TERF1: variants seen among roughly 807,000 people sequenced by gnomAD.
TERF1 encodes telomeric repeat binding factor 1.
TERF1 carries 20 observed loss-of-function variants against 55.1 expected under a neutral mutation model. The observed-to-expected ratio is 0.36, with a 90% CI of 0.26 to 0.53. TERF1 has a LOEUF of 0.53. Ranked by LOEUF, TERF1 falls within the 20% of genes least tolerant of loss-of-function variation. TERF1 has a pLI of 0.91. For synonymous variants in TERF1, 168 were observed against 181.2 expected (o/e 0.93, Z 0.59); for missense variants, 439 against 535.7 (o/e 0.82, Z 1.78).
intron 2 of TERF1, among the ~76,000 whole-genome samples, chr8:73,017,875 CTATTATTAG>C (rs979189619): frequency 1.3e-5 from 2 of 151,888 alleles, no homozygotes; most frequent in Non-Finnish European, 2.9e-5. Flanking sequence ...ACTAATTTTT[CTATTATTAG>C]TAGAGACAGG....
At chr8:73,038,033 G>T (rs1229206489) in intron 8 of TERF1, among the ~76,000 whole-genome samples, 2 of 146,882 alleles carry the variant, frequency 1.4e-5, no homozygotes, top group Admixed American at 7.1e-5. Context: ...TAGAAGGCCA[G>T]CAGTAGGTAG....
At chr8:73,039,013 A>G in intron 8 of TERF1, 103 bp from the exon 9 acceptor site, 1 of 895,734 alleles carries the variant, frequency 1.1e-6, no homozygotes, top group East Asian at 2.8e-5. Context: ...ACTTTTTCTT[A>G]GAATAGCTTA....
At chr8:73,016,784 C>T (rs1808528106) in intron 2 of TERF1, among the ~76,000 whole-genome samples, 1 of 152,138 alleles carries the variant, frequency 6.6e-6, no homozygotes, top group Non-Finnish European at 1.5e-5. Flanking sequence ...ATCATGTTTG[C>T]AGTTTCTCTA....
chr8:73,015,312 CT>C (rs5892387), intron 2 of TERF1, among the ~76,000 whole-genome samples: 76,858 of 131,644 alleles, frequency 0.58, 21,268 homozygotes, highest in Middle Eastern at 0.72. Flanking sequence ...AACCCTTTTG[CT>C]TTTTTTTTTT....
chr8:73,041,819 T>C (rs547080442), intron 9 of TERF1, among the ~76,000 whole-genome samples: 1 of 152,126 alleles, frequency 6.6e-6, no homozygotes, highest in African/African-American at 2.4e-5. Context: ...TCACAAAAGT[T>C]TGTGAGTCCC....
At chr8:73,023,802 C>G (rs886944579) in intron 4 of TERF1, among the ~76,000 whole-genome samples, 5 of 152,156 alleles carry the variant, frequency 3.3e-5, no homozygotes, top group Middle Eastern at 3.2e-3. Context: ...AGAATATCAA[C>G]AGTTGTCTCA....
chr8:73,020,750 T>C lies in TERF1; in HGVS notation c.482T>C (p.Ile161Thr), dbSNP rs745362910. 3 of 1,566,404 alleles carry C rather than the reference T, an allele frequency of 1.9e-6. No individual in the cohort carries two copies. The highest frequency in any genetic ancestry group is 2.6e-6 in the Non-Finnish European group (3 of 1,141,840). Residue 161 changes from isoleucine (I) to threonine (T), a missense_variant, in exon 3 of 10, where the codon ATT becomes ACT. Around this residue, in one of 4 missense-constraint regions of TERF1, gnomAD observed 95 missense variants for 167.2 expected, o/e 0.57. Coordinates refer to ENST00000276603, the MANE Select transcript of TERF1 (RefSeq NM_017489.3). ...LESALMIWGS[I>T]EKEHDKLHEE... is the part of the protein sequence containing the mutation. ...TCAGCCCTGATGATTTGGGGTTCAA[T>C]TGAAAAGGAACATGACAAACTTCAT...
intron 1 of TERF1, 52 bp downstream of exon 1, chr8:73,009,257 T>G (rs766315992): frequency 1.3e-6 from 2 of 1,560,220 alleles, no homozygotes; most frequent in Non-Finnish European, 1.7e-6. Context: ...GGATGCGGGC[T>G]CCGTGGTGCG....
rs1320213216 is a variant in TERF1, at chr8:73,008,963, A to G, written c.77A>G (p.Glu26Gly). ...ADGRDADPTE[E>G]QMAETERNDE... Reference sequence around the variant, plus strand: ...GGTAGGGATGCCGACCCTACTGAGGAGCAGATGGCAGAAACAGAGAGAAAC... The same window carrying G: ...GGTAGGGATGCCGACCCTACTGAGGGGCAGATGGCAGAAACAGAGAGAAAC... Residue 26 changes from glutamate to glycine, a missense_variant, in exon 1 of 10, where the codon GAG (glutamate) becomes GGG (glycine). Glu to Gly is a moderately conservative substitution (Grantham distance 98, BLOSUM62 -2). Transcript: ENST00000276603. The G allele has an allele frequency of 6.2e-7, 1 of 1,612,850 alleles. No individual in the cohort carries two copies. Among genetic ancestry groups the G allele is most frequent in the East Asian group, 2.2e-5 (1 of 44,856 alleles).
chr8:73,043,559 A>G (rs1809915787), intron 9 of TERF1, among the ~76,000 whole-genome samples: 1 of 152,136 alleles, frequency 6.6e-6, no homozygotes, highest in African/African-American at 2.4e-5. Context: ...TATTTTTTAA[A>G]TGACTTAAAT....
At chr8:73,042,476 T>C (rs935305300) in intron 9 of TERF1, among the ~76,000 whole-genome samples, 1 of 151,952 alleles carries the variant, frequency 6.6e-6, no homozygotes, top group Non-Finnish European at 1.5e-5. Flanking sequence ...AAAAAAAAAC[T>C]TACGGCAATA....
Position 73,009,123 on chromosome 8 carries a change from C to G in TERF1, c.237C>G (p.Leu79=), listed in dbSNP as rs1047330828. ...AGGCCGTGGCTGCCGGCTGGATGCTCGATTTCCTCTGCCTCTCTCTTTGCC... is the reference window on the plus strand; with the variant it reads ...AGGCCGTGGCTGCCGGCTGGATGCTGGATTTCCTCTGCCTCTCTCTTTGCC... ...EAEAVAAGWM[L]DFLCLSLCRA... The change falls in exon 1 of 10, where the codon CTC becomes CTG. Residue 79 remains leucine (L), a synonymous_variant. Coordinates refer to ENST00000276603, the MANE Select transcript of TERF1 (RefSeq NM_017489.3). 9.3e-6 allele frequency: 15 copies of G among 1,610,806 alleles called. No individual in the cohort carries two copies. The highest frequency in any genetic ancestry group is 8.0e-5 in the African/African-American group (6 of 74,886).
intron 8 of TERF1, among the ~76,000 whole-genome samples, chr8:73,037,746 TTA>T (rs1809630068): frequency 2.3e-5 from 2 of 85,776 alleles, no homozygotes; most frequent in South Asian, 2.7e-4. Context: ...GAAATATATA[TTA>T]TATATAATAT....
intron 6 of TERF1, among the ~76,000 whole-genome samples, chr8:73,028,520 C>T (rs375428073): frequency 6.6e-6 from 1 of 150,854 alleles, no homozygotes; most frequent in Admixed American, 6.6e-5. Context: ...CTATTTCCTA[C>T]TAGATGAGTC....
Position 73,024,974 on chromosome 8 carries a change from A to T in TERF1, c.774+3A>T, listed in dbSNP as rs1808917657. 2 of 1,527,526 alleles carry T rather than the reference A, an allele frequency of 1.3e-6. No individual in the cohort carries two copies. 94.6% of individuals were successfully genotyped at this position (1,527,526 alleles called of 1,614,324 possible). ...AATCATCAACCTTTCTAATGAAGGT[A>T]TACATATTATTCAAGAGTGACTAAT... On this transcript the variant is annotated splice_donor_region_variant and intron_variant, in intron 5 of 9. Coordinates refer to ENST00000276603, the MANE Select transcript of TERF1 (RefSeq NM_017489.3).
chr8:73,039,065 T>G (rs773414136), intron 8 of TERF1, 51 bp from the exon 9 acceptor site: 1 of 1,207,644 alleles, frequency 8.3e-7, no homozygotes, highest in Admixed American at 2.6e-5. Flanking sequence ...ATAATTGCTC[T>G]TTTTTCTTTA....
Position 73,039,209 on chromosome 8 carries a change from G to C in TERF1, c.1133G>C (p.Arg378Thr), listed in dbSNP as rs1387703967. Reference sequence around the variant, plus strand: ...GTAACTCCTGAAAAACATCGAGCTAGAAAAAGACAGGTATTTGGTTTTTTA... The same window carrying C: ...GTAACTCCTGAAAAACATCGAGCTACAAAAAGACAGGTATTTGGTTTTTTA... ...QPVTPEKHRA[R>T]KRQAWLWEED... The change falls in exon 9 of 10, where the codon AGA becomes ACA. Residue 378 changes from arginine (R) to threonine (T), a missense_variant. Arg to Thr is a moderately conservative substitution (Grantham distance 71). Around this residue, in one of 4 missense-constraint regions of TERF1, gnomAD observed 140 missense variants for 158.6 expected, o/e 0.88. Coordinates refer to ENST00000276603, the MANE Select transcript of TERF1 (RefSeq NM_017489.3). 1.9e-5 allele frequency: 31 copies of C among 1,599,828 alleles called. No individual in the cohort carries two copies. The highest frequency in any genetic ancestry group is 2.5e-5 in the Non-Finnish European group (29 of 1,173,678).
chr8:73,021,530 A>G (rs1808751055), intron 3 of TERF1, among the ~76,000 whole-genome samples: 1 of 152,216 alleles, frequency 6.6e-6, no homozygotes, highest in Admixed American at 6.5e-5. Context: ...CAAACATTTA[A>G]TATATTCCTT....
chr8:73,037,703 ATTAT>A (rs1809618315), intron 8 of TERF1, among the ~76,000 whole-genome samples: 1 of 16,586 alleles, frequency 6.0e-5, no homozygotes, highest in Non-Finnish European at 1.9e-4. Context: ...ATAGTATAAT[ATTAT>A]ATTATATATA....
Sources: gnomAD v4.1 joint callset for allele counts (sites outside exome capture counted in the v4.1 genomes callset) on GRCh38, gnomAD v4.1.1 for gene constraint, gnomAD v4.1.1 regional missense constraint, MANE v1.5 for transcripts, NCBI Gene and HGNC (gene_info 2026-07-23, HGNC 2026-07-21) for gene names.